The following PREX2 variants were observed in gnomAD, a reference collection of about 807,000 sequenced individuals.
The protein encoded by PREX2 is phosphatidylinositol-3,4,5-trisphosphate dependent Rac exchange factor 2.
In PREX2, 107 loss-of-function variants were observed where a neutral mutation model predicts 203.2. The observed-to-expected ratio is 0.53, with a 90% CI of 0.45 to 0.62. The LOEUF is 0.62. Among genes scored for constraint, PREX2 ranks in the 20% least tolerant of loss-of-function variants. The pLI is 0.00. For synonymous variants in PREX2, 672 were observed against 663.6 expected (o/e 1.01, Z -0.19); for missense variants, 1,777 against 1,955.9 (o/e 0.91, Z 1.72).
intron 35 of PREX2, among the ~76,000 whole-genome samples, chr8:68,160,662 A>G (rs1811636000): frequency 6.6e-6 from 1 of 152,162 alleles, no homozygotes; most frequent in South Asian, 2.1e-4. Context: ...GTCAAATATT[A>G]AAGGTTTAAA....
intron 1 of PREX2, among the ~76,000 whole-genome samples, chr8:68,007,630 G>A (rs1807132951): frequency 1.3e-5 from 2 of 152,104 alleles, no homozygotes; most frequent in Admixed American, 1.3e-4. Context: ...TTATTTTTGA[G>A]ACGGAGTCTC....
At chr8:68,056,264 G>A (rs1012958179) in intron 10 of PREX2, among the ~76,000 whole-genome samples, 4 of 152,158 alleles carry the variant, frequency 2.6e-5, no homozygotes, top group African/African-American at 9.7e-5. Context: ...TGGCAGGCAG[G>A]TAGGTTTGCC....
intron 8 of PREX2, among the ~76,000 whole-genome samples, chr8:68,046,930 G>A (rs1177887694): frequency 6.6e-6 from 1 of 151,998 alleles, no homozygotes; most frequent in Non-Finnish European, 1.5e-5. Context: ...AGAAGGATAG[G>A]ATCTTGGTGA....
At chr8:68,105,694 T>C in intron 23 of PREX2, 6 of 227,966 alleles carry the variant, frequency 2.6e-5, no homozygotes, top group Non-Finnish European at 4.2e-5. Flanking sequence ...TATATATATA[T>C]ATATATGGAT....
chr8:68,119,911 C>A (rs1016646164), intron 28 of PREX2, among the ~76,000 whole-genome samples: 1 of 151,914 alleles, frequency 6.6e-6, no homozygotes, highest in Non-Finnish European at 1.5e-5. Context: ...TAGCCATAAC[C>A]AAAATTTGTA....
intron 23 of PREX2, chr8:68,105,137 G>C (rs987650516): frequency 7.3e-7 from 1 of 1,367,588 alleles, no homozygotes; most frequent in Non-Finnish European, 9.8e-7. Context: ...CCATATTTTA[G>C]GTTCAAGCTT....
intron 1 of PREX2, among the ~76,000 whole-genome samples, chr8:67,971,412 C>G (rs2129019116): frequency 6.6e-6 from 1 of 152,154 alleles, no homozygotes; most frequent in East Asian, 1.9e-4. Context: ...GGGTGGAAGT[C>G]AAGAATTGCT....
At chr8:67,977,250 T>TCCA (rs1425218180) in intron 1 of PREX2, among the ~76,000 whole-genome samples, 1 of 152,062 alleles carries the variant, frequency 6.6e-6, no homozygotes, top group Non-Finnish European at 1.5e-5. Context: ...CAGAAGAGGG[T>TCCA]CCTCACCATA....
rs1810971796 is a variant in PREX2, at chr8:68,130,046, G to A, written c.3766+2627G>A. Among the ~76,000 whole-genome samples, 3 of 150,452 alleles carry A rather than the reference G, an allele frequency of 2.0e-5. No homozygotes were observed. In the South Asian group the frequency reaches 6.3e-4, roughly 32 times the overall value. On this transcript the variant is annotated intron_variant, in intron 31 of 39. Transcript: ENST00000288368. ...TAATCCCAGCACTTTGGGAGGCTGA[G>A]GATGGAGGATTATTTGAGGTTAGGA...
intron 1 of PREX2, among the ~76,000 whole-genome samples, chr8:67,994,397 T>A (rs1034825662): frequency 6.6e-6 from 1 of 152,220 alleles, no homozygotes; most frequent in African/African-American, 2.4e-5. Flanking sequence ...AATATTGTAT[T>A]GTTACTGTGT....
intron 1 of PREX2, among the ~76,000 whole-genome samples, chr8:68,005,892 A>G (rs1033459507): frequency 6.6e-6 from 1 of 152,250 alleles, no homozygotes; most frequent in African/African-American, 2.4e-5. Flanking sequence ...GTTGGTTCAC[A>G]GTGACTGTCT....
At chr8:68,131,406 T>C (rs937294899) in intron 31 of PREX2, among the ~76,000 whole-genome samples, 3 of 152,250 alleles carry the variant, frequency 2.0e-5, no homozygotes. Flanking sequence ...AATTATCTCA[T>C]GAAATATGAA....
chr8:68,099,889 A>C (rs1253029072), intron 23 of PREX2, 46 bp downstream of exon 23: 2 of 1,450,984 alleles, frequency 1.4e-6, no homozygotes, highest in Non-Finnish European at 1.9e-6. Context: ...TGAAATTATT[A>C]TTTGAATGTC....
chr8:67,956,717 TTAA>T (rs1805502216), intron 1 of PREX2, among the ~76,000 whole-genome samples: 1 of 152,206 alleles, frequency 6.6e-6, no homozygotes, highest in African/African-American at 2.4e-5. Context: ...GGGAGTGCTA[TTAA>T]TAATGACACT....
chr8:68,115,566 A>T (rs915244340), intron 25 of PREX2, among the ~76,000 whole-genome samples, 187 bp from the exon 26 acceptor site: 1 of 147,996 alleles, frequency 6.8e-6, no homozygotes, highest in Non-Finnish European at 1.5e-5. Flanking sequence ...TGTTGTTTGT[A>T]TGACTTATTT....
At chr8:68,170,081 G>A (rs192019619) in intron 35 of PREX2, among the ~76,000 whole-genome samples, 32 of 152,256 alleles carry the variant, frequency 2.1e-4, no homozygotes, top group Non-Finnish European at 3.2e-4. Context: ...CTAAAATCTT[G>A]GGTAAGATCT....
At chr8:68,026,080 G>T (rs1807707236) in intron 4 of PREX2, among the ~76,000 whole-genome samples, 1 of 152,066 alleles carries the variant, frequency 6.6e-6, no homozygotes, top group African/African-American at 2.4e-5. Context: ...AGAATATTTT[G>T]ATAACCCGAT....
At chr8:68,032,879 C>A (rs150621152) in intron 6 of PREX2, among the ~76,000 whole-genome samples, 58 of 152,240 alleles carry the variant, frequency 3.8e-4, no homozygotes, top group Middle Eastern at 3.4e-3. Flanking sequence ...GAGTCTTGGG[C>A]TTATGCTAGG....
chr8:68,096,983 T>C, intron 21 of PREX2, 34 bp from the exon 22 acceptor site: 1 of 1,558,204 alleles, frequency 6.4e-7, no homozygotes, highest in Non-Finnish European at 8.8e-7. Context: ...AAATCCTTCA[T>C]GAATTTACTG....
Sources: gnomAD v4.1 joint callset for allele counts (sites outside exome capture counted in the v4.1 genomes callset) on GRCh38, gnomAD v4.1.1 for gene constraint, MANE v1.5 for transcripts, NCBI Gene and HGNC (gene_info 2026-07-23, HGNC 2026-07-21) for gene names.